Variants in PRKAG2 observed in about 807,000 individuals in gnomAD.
PRKAG2 encodes protein kinase AMP-activated non-catalytic subunit gamma 2.
In PRKAG2, 26 loss-of-function variants were observed where a neutral mutation model predicts 69.6. The observed-to-expected ratio is 0.37, with a 90% confidence interval of 0.27 to 0.52. PRKAG2 has a LOEUF of 0.52. PRKAG2 is among the 20% of genes least tolerant of loss of function. The probability of loss-of-function intolerance (pLI) is 0.90; values close to 1 mark genes in which losing one functional copy is unlikely to be tolerated. For synonymous variants in PRKAG2, 293 were observed against 285.0 expected (o/e 1.03, Z -0.28); for missense variants, 557 against 740.0 (o/e 0.75, Z 2.87).
intron 4 of PRKAG2, among the ~76,000 whole-genome samples, chr7:151,661,524 C>T (rs1387125971): frequency 6.6e-6 from 1 of 152,044 alleles, no homozygotes; most frequent in Non-Finnish European, 1.5e-5. Context: ...TGTGTAGTTC[C>T]TTAGAAAGCT....
intron 4 of PRKAG2, among the ~76,000 whole-genome samples, chr7:151,658,089 C>T (rs572821975): frequency 1.9e-4 from 28 of 151,248 alleles, no homozygotes; most frequent in Non-Finnish European, 3.2e-4. Flanking sequence ...ACCCGGGAGG[C>T]GGAGATTGCA....
rs376935448 is a variant in PRKAG2, at chr7:151,678,881, C to T, written c.467-3244G>A. Among the ~76,000 whole-genome samples the T allele has an allele frequency of 2.0e-4, 31 of 152,290 alleles. No homozygotes were observed. The South Asian group carries it at 6.0e-3, about 30-fold the overall frequency. ...GGCTGAGGCAGGAGAATCGCTTGAACCCAAGAGGCGGAGGTTGCAGTGAGC... is the reference window on the plus strand; with the variant it reads ...GGCTGAGGCAGGAGAATCGCTTGAATCCAAGAGGCGGAGGTTGCAGTGAGC... On this transcript the variant is annotated intron_variant, in intron 3 of 15. Transcript: ENST00000287878.
intron 4 of PRKAG2, among the ~76,000 whole-genome samples, chr7:151,647,640 A>G (rs976790329): frequency 5.9e-5 from 9 of 152,198 alleles, no homozygotes; most frequent in South Asian, 2.1e-4. Context: ...GGATGTGCTG[A>G]TGGTCTTTAT....
chr7:151,718,768 G>A (rs956740040), intron 3 of PRKAG2, among the ~76,000 whole-genome samples: 2 of 152,004 alleles, frequency 1.3e-5, no homozygotes, highest in African/African-American at 4.8e-5. Context: ...GCTGACTGGA[G>A]GGACCCCTTC....
intron 4 of PRKAG2, among the ~76,000 whole-genome samples, chr7:151,655,879 T>C (rs1829335742): frequency 6.6e-6 from 1 of 152,182 alleles, no homozygotes; most frequent in Non-Finnish European, 1.5e-5. Context: ...ACACCCCACA[T>C]AGCCTACACT....
At chr7:151,673,166 C>T (rs1361232870) in intron 4 of PRKAG2, among the ~76,000 whole-genome samples, 1 of 152,168 alleles carries the variant, frequency 6.6e-6, no homozygotes, top group Non-Finnish European at 1.5e-5. Flanking sequence ...ATCAGGGACT[C>T]GTGGAAGAGC....
chr7:151,568,372 A>G (rs1207687055), intron 11 of PRKAG2, among the ~76,000 whole-genome samples: 4 of 152,228 alleles, frequency 2.6e-5, no homozygotes, highest in African/African-American at 9.6e-5. Context: ...TTTGCTCTAG[A>G]TATTAGTTCA....
rs142367064 is a variant in PRKAG2, at chr7:151,615,085, C to T, written c.754+16984G>A. ...AGCCGTGTGGATCCAGAGGGAACCCCCAGAGAGGAGCTGTGCAGATCCAGA... is the reference window on the plus strand; with the variant it reads ...AGCCGTGTGGATCCAGAGGGAACCCTCAGAGAGGAGCTGTGCAGATCCAGA... On this transcript the variant is annotated intron_variant, in intron 5 of 15. Coordinates refer to ENST00000287878, the MANE Select transcript of PRKAG2 (RefSeq NM_016203.4). Among the ~76,000 whole-genome samples, 41 of 152,240 alleles carry T rather than the reference C, an allele frequency of 2.7e-4. No homozygotes were observed. The East Asian group carries it at 3.1e-3, about 11-fold the overall frequency.
intron 3 of PRKAG2, among the ~76,000 whole-genome samples, chr7:151,732,584 G>A (rs1183213480): frequency 2.6e-5 from 4 of 152,212 alleles, no homozygotes; most frequent in African/African-American, 7.2e-5. Context: ...CAGAGCCAGC[G>A]GTTTTTATGG....
intron 6 of PRKAG2, among the ~76,000 whole-genome samples, chr7:151,592,514 G>C (rs1813457111): frequency 6.6e-6 from 1 of 151,894 alleles, no homozygotes; most frequent in Non-Finnish European, 1.5e-5. Context: ...CTCGCATTCT[G>C]CTCTCCTCTC....
At chr7:151,749,012 C>T (rs890714089) in intron 3 of PRKAG2, among the ~76,000 whole-genome samples, 10 of 152,166 alleles carry the variant, frequency 6.6e-5, no homozygotes, top group Non-Finnish European at 1.2e-4. Flanking sequence ...TTGGAGCCTC[C>T]GAGGGTGAGG....
At chr7:151,671,387 C>T (rs887156324) in intron 4 of PRKAG2, among the ~76,000 whole-genome samples, 1 of 152,140 alleles carries the variant, frequency 6.6e-6, no homozygotes, top group African/African-American at 2.4e-5. Flanking sequence ...AAGTAACTCA[C>T]ATTCCTCCAC....
At chr7:151,564,814 T>C (rs1563142982) in intron 13 of PRKAG2, among the ~76,000 whole-genome samples, 1 of 152,156 alleles carries the variant, frequency 6.6e-6, no homozygotes, top group Admixed American at 6.5e-5. Flanking sequence ...GTGACTGTTA[T>C]GTTTAACATA....
At chr7:151,559,365 A>G (rs1259372270) in intron 15 of PRKAG2, 1 of 985,374 alleles carries the variant, frequency 1.0e-6, no homozygotes, top group African/African-American at 1.7e-5. Context: ...TCATGATTAT[A>G]GAGACTATTG....
chr7:151,867,901 A>G (rs1013709936), intron 1 of PRKAG2, among the ~76,000 whole-genome samples: 2 of 152,152 alleles, frequency 1.3e-5, no homozygotes, highest in African/African-American at 4.8e-5. Context: ...TCCCCAGCAC[A>G]GTGGAGGTCA....
At chr7:151,825,374 G>A (rs79539294) in intron 1 of PRKAG2, among the ~76,000 whole-genome samples, 1 of 152,146 alleles carries the variant, frequency 6.6e-6, no homozygotes, top group African/African-American at 2.4e-5. Context: ...CTCTGATTAT[G>A]AAGACTTTGA....
Position 151,565,899 on chromosome 7 carries a change from A to G in PRKAG2, c.1234-14T>C. 6.2e-7 allele frequency: 1 copy of G among 1,610,232 alleles called. No homozygotes were observed. The highest frequency in any genetic ancestry group is 8.5e-7 in the Non-Finnish European group (1 of 1,176,380). On this transcript the variant is annotated splice_polypyrimidine_tract_variant and intron_variant, in intron 11 of 15. Coordinates refer to ENST00000287878, the MANE Select transcript of PRKAG2 (RefSeq NM_016203.4). ...CATATCAGACATCTAAACGGAAGAT[A>G]AACGCAAACGTTCTAGACCCAGAAC...
At chr7:151,845,268 A>T (rs1050955560) in intron 1 of PRKAG2, among the ~76,000 whole-genome samples, 5 of 152,068 alleles carry the variant, frequency 3.3e-5, no homozygotes, top group African/African-American at 1.2e-4. Flanking sequence ...AGACGTTGTT[A>T]GTGGAGAAAA....
intron 5 of PRKAG2, among the ~76,000 whole-genome samples, chr7:151,596,574 C>A (rs1814579486): frequency 6.6e-6 from 1 of 151,980 alleles, no homozygotes; most frequent in South Asian, 2.1e-4. Flanking sequence ...TATGGAGAAA[C>A]CCCGTCTCTA....
Sources: allele counts gnomAD v4.1 joint callset (sites outside exome capture counted in the v4.1 genomes callset), GRCh38; gene constraint gnomAD v4.1.1; transcripts MANE v1.5; gene names NCBI Gene and HGNC (gene_info 2026-07-23, HGNC 2026-07-21).